The following ITPR1 variants were observed in gnomAD, a reference collection of about 807,000 sequenced individuals.
ITPR1 encodes the protein inositol 1,4,5-trisphosphate-gated calcium channel ITPR1.
In ITPR1, 96 loss-of-function variants were observed where a neutral mutation model predicts 318.4. That is an observed-to-expected ratio of 0.30 (90% CI 0.26 to 0.36). The LOEUF is 0.36. Among genes scored for constraint, ITPR1 ranks in the 10% least tolerant of loss-of-function variants. The pLI is 1.00. For synonymous variants in ITPR1, 1,312 were observed against 1,289.9 expected (o/e 1.02, Z -0.37); for missense variants, 2,440 against 3,460.2 (o/e 0.71, Z 7.40).
At chr3:4,823,686 G>C (rs1300573228) in intron 60 of ITPR1, among the ~76,000 whole-genome samples, 1 of 152,178 alleles carries the variant, frequency 6.6e-6, no homozygotes, top group Non-Finnish European at 1.5e-5. Context: ...AAAAAGGAAA[G>C]GAGGAAGAGA....
chr3:4,532,001 G>A (rs185065800), intron 4 of ITPR1, among the ~76,000 whole-genome samples: 1 of 152,220 alleles, frequency 6.6e-6, no homozygotes, highest in Non-Finnish European at 1.5e-5. Context: ...TACCTCACAG[G>A]GTTTTCATGA....
intron 61 of ITPR1, among the ~76,000 whole-genome samples, chr3:4,838,162 C>T (rs149446489): frequency 6.6e-6 from 1 of 152,036 alleles, no homozygotes; most frequent in Non-Finnish European, 1.5e-5. Flanking sequence ...GCCTCAAGTT[C>T]TTTTCTTTCG....
At chr3:4,548,539 C>T (rs1256008139) in intron 4 of ITPR1, among the ~76,000 whole-genome samples, 2 of 152,168 alleles carry the variant, frequency 1.3e-5, no homozygotes, top group Admixed American at 6.5e-5. Flanking sequence ...GCCCGTATGC[C>T]TCCTTATGAA....
chr3:4,609,701 A>G (rs1264339258), intron 4 of ITPR1, among the ~76,000 whole-genome samples: 3 of 151,320 alleles, frequency 2.0e-5, no homozygotes, highest in Non-Finnish European at 4.4e-5. Flanking sequence ...TGGCTTGGCC[A>G]CCTCACATGT....
chr3:4,638,831 TA>T (rs140838178), intron 5 of ITPR1, among the ~76,000 whole-genome samples: 3,219 of 152,294 alleles, frequency 0.021, 124 homozygotes, highest in African/African-American at 0.073. Context: ...CAAGAATAGC[TA>T]ATAACTCCAT....
intron 35 of ITPR1, among the ~76,000 whole-genome samples, chr3:4,701,439 A>G (rs2094649796): frequency 1.3e-5 from 2 of 152,188 alleles, no homozygotes; most frequent in Admixed American, 1.3e-4. Flanking sequence ...CACAAAACTC[A>G]GGGACTAAAT....
At chr3:4,694,133 C>T (rs2094520681) in intron 33 of ITPR1, among the ~76,000 whole-genome samples, 1 of 151,166 alleles carries the variant, frequency 6.6e-6, no homozygotes. Context: ...ACCCTTATTA[C>T]AGAAATAATG....
At chr3:4,662,939 A>T in intron 15 of ITPR1, 126 bp from the exon 16 acceptor site, 1 of 701,868 alleles carries the variant, frequency 1.4e-6, no homozygotes, top group Non-Finnish European at 2.4e-6. Context: ...TCAGTTTCAA[A>T]GAAATTGGAA....
At chr3:4,558,919 A>G (rs374764171) in intron 4 of ITPR1, among the ~76,000 whole-genome samples, 3 of 152,150 alleles carry the variant, frequency 2.0e-5, no homozygotes, top group Admixed American at 6.6e-5. Flanking sequence ...GAAAAAGGAC[A>G]TCTACTTAGA....
At chr3:4,686,020 G>T (rs1385344399) in intron 30 of ITPR1, among the ~76,000 whole-genome samples, 1 of 152,210 alleles carries the variant, frequency 6.6e-6, no homozygotes, top group African/African-American at 2.4e-5. Context: ...GGTGCTTGCA[G>T]GGTGCCAGGC....
At chr3:4,818,370 A>C in intron 60 of ITPR1, 128 bp downstream of exon 60, 19 of 673,404 alleles carry the variant, frequency 2.8e-5, no homozygotes, top group Non-Finnish European at 4.2e-5. Flanking sequence ...AGCCCTTCTC[A>C]CGGATGGGGC....
At chr3:4,664,963 C>T (rs767531784) in intron 16 of ITPR1, among the ~76,000 whole-genome samples, 175 bp from the exon 17 acceptor site, 8 of 152,176 alleles carry the variant, frequency 5.3e-5, no homozygotes, top group African/African-American at 1.4e-4. Context: ...CTTAATTCAG[C>T]GCGTCTCCCA....
intron 44 of ITPR1, among the ~76,000 whole-genome samples, chr3:4,756,363 T>A (rs1441667026): frequency 6.6e-6 from 1 of 152,158 alleles, no homozygotes; most frequent in Non-Finnish European, 1.5e-5. Context: ...AGGGTACATG[T>A]GAAGGTGTGT....
intron 12 of ITPR1, among the ~76,000 whole-genome samples, chr3:4,654,144 G>C (rs1207903970): frequency 6.6e-6 from 1 of 152,224 alleles, no homozygotes; most frequent in African/African-American, 2.4e-5. Context: ...AGTTGGAGAA[G>C]TTCATGGTAT....
chr3:4,704,271 G>A (rs6784839), intron 36 of ITPR1, among the ~76,000 whole-genome samples: 42,691 of 152,126 alleles, frequency 0.28, 6,907 homozygotes, highest in Non-Finnish European at 0.38. Context: ...AATTAGCCTG[G>A]CATGGCGGCG....
At chr3:4,585,095 C>T (rs1364115257) in intron 4 of ITPR1, among the ~76,000 whole-genome samples, 2 of 152,168 alleles carry the variant, frequency 1.3e-5, no homozygotes, top group African/African-American at 2.4e-5. Flanking sequence ...CCTGCCCGGG[C>T]AGTTGTGTTG....
intron 43 of ITPR1, among the ~76,000 whole-genome samples, chr3:4,734,627 C>T (rs1411529736): frequency 6.6e-6 from 1 of 152,244 alleles, no homozygotes; most frequent in African/African-American, 2.4e-5. Context: ...TAAGTATATT[C>T]ATCTCCCCCA....
chr3:4,634,261 T>A (rs1429119153), intron 5 of ITPR1, among the ~76,000 whole-genome samples: 3 of 152,110 alleles, frequency 2.0e-5, no homozygotes, highest in African/African-American at 7.2e-5. Context: ...TCACCCACGC[T>A]GGTGTGCAGT....
At chr3:4,567,300 G>A (rs1229165027) in intron 4 of ITPR1, among the ~76,000 whole-genome samples, 1 of 152,130 alleles carries the variant, frequency 6.6e-6, no homozygotes, top group Non-Finnish European at 1.5e-5. Flanking sequence ...TAGCACTAGT[G>A]ATCAGGATAA....
Sources: allele counts gnomAD v4.1 joint callset (sites outside exome capture counted in the v4.1 genomes callset), GRCh38; gene constraint gnomAD v4.1.1; transcripts MANE v1.5; gene names NCBI Gene and HGNC (gene_info 2026-07-23, HGNC 2026-07-21).